HPSE2: variants seen among roughly 807,000 people sequenced by gnomAD.
HPSE2 encodes inactive heparanase-2.
Under a neutral mutation model 60.5 loss-of-function variants are expected in HPSE2, and 38 were observed. That is an observed-to-expected ratio of 0.63 (90% confidence interval 0.48 to 0.82). The LOEUF is 0.82. Ranked by LOEUF, HPSE2 falls within the 40% of genes least tolerant of loss-of-function variation. The pLI is 0.00. For missense variants in HPSE2, 713 were observed against 740.4 expected (o/e 0.96, Z 0.43); for synonymous variants, 295 against 293.2 (o/e 1.01, Z -0.06).
At chr10:98,568,122 C>G (rs1944398424) in intron 9 of HPSE2, among the ~76,000 whole-genome samples, 1 of 152,184 alleles carries the variant, frequency 6.6e-6, no homozygotes, top group Non-Finnish European at 1.5e-5. Context: ...TTCTACTGTG[C>G]CCTGATTCTT....
chr10:99,178,206 G>A (rs1325645099), intron 2 of HPSE2, among the ~76,000 whole-genome samples: 1 of 151,402 alleles, frequency 6.6e-6, no homozygotes, highest in Non-Finnish European at 1.5e-5. Flanking sequence ...ACAATTAAAA[G>A]AACTAGAGAA....
chr10:99,033,266 G>T (rs1298779837), intron 3 of HPSE2, among the ~76,000 whole-genome samples: 1 of 152,016 alleles, frequency 6.6e-6, no homozygotes, highest in East Asian at 1.9e-4. Context: ...CTTTTGGGGG[G>T]AGATTATTTG....
chr10:99,023,119 C>T (rs1418652600), intron 3 of HPSE2, among the ~76,000 whole-genome samples: 1 of 152,048 alleles, frequency 6.6e-6, no homozygotes, highest in East Asian at 1.9e-4. Flanking sequence ...GAAACTAATG[C>T]CCTGAAGGGT....
At chr10:99,169,477 C>G (rs1171856806) in intron 2 of HPSE2, among the ~76,000 whole-genome samples, 1 of 112,552 alleles carries the variant, frequency 8.9e-6, no homozygotes, top group East Asian at 2.8e-4. Flanking sequence ...TGCACTCCAG[C>G]CTGGGTGACA....
chr10:99,021,932 T>A (rs1957272428), intron 3 of HPSE2, among the ~76,000 whole-genome samples: 1 of 151,902 alleles, frequency 6.6e-6, no homozygotes, highest in South Asian at 2.1e-4. Context: ...AGGGTACATG[T>A]GCACAACATG....
chr10:99,193,576 T>C (rs1848293891), intron 2 of HPSE2, among the ~76,000 whole-genome samples: 1 of 146,362 alleles, frequency 6.8e-6, no homozygotes, highest in South Asian at 2.2e-4. Flanking sequence ...AAACTGAAAA[T>C]AAAGGGATAG....
chr10:98,860,142 A>T (rs1237619233), intron 3 of HPSE2, among the ~76,000 whole-genome samples: 2 of 152,170 alleles, frequency 1.3e-5, no homozygotes, highest in African/African-American at 4.8e-5. Context: ...GGGGACTACT[A>T]TATATCTATA....
At chr10:99,079,895 CA>C (rs1344700929) in intron 3 of HPSE2, among the ~76,000 whole-genome samples, 1 of 152,086 alleles carries the variant, frequency 6.6e-6, no homozygotes. Context: ...CAGAAGTCCC[CA>C]AAAAAGTTGG....
the HPSE2 span, among the ~76,000 whole-genome samples, chr10:99,256,824 C>T: frequency 7.2e-5 from 11 of 152,118 alleles, no homozygotes; most frequent in African/African-American, 2.7e-4. Flanking sequence ...GAGGCTGAGG[C>T]GAGCAGATCA....
chr10:98,795,051 G>GGAAGGAAGGAAGGAAT (rs1213738995), intron 3 of HPSE2, among the ~76,000 whole-genome samples: 141 of 145,722 alleles, frequency 9.7e-4, no homozygotes, highest in Middle Eastern at 3.4e-3. Flanking sequence ...AAGGAAGGAA[G>GGAAGGAAGGAAGGAAT]GAAGGAAGGA....
intron 3 of HPSE2, among the ~76,000 whole-genome samples, chr10:98,802,477 C>A (rs779084969): frequency 2.6e-5 from 3 of 114,082 alleles, no homozygotes; most frequent in African/African-American, 1.0e-4. Context: ...CCCCTCCCCC[C>A]ACCCCACAAC....
At chr10:99,055,259 G>C (rs1958084398) in intron 3 of HPSE2, among the ~76,000 whole-genome samples, 1 of 152,110 alleles carries the variant, frequency 6.6e-6, no homozygotes, top group South Asian at 2.1e-4. Flanking sequence ...TGTAGTTTTA[G>C]TAAGTTAAGA....
chr10:99,178,144 T>A (rs908224481), intron 2 of HPSE2, among the ~76,000 whole-genome samples: 1 of 151,820 alleles, frequency 6.6e-6, no homozygotes, highest in Non-Finnish European at 1.5e-5. Flanking sequence ...TTTATAGCAC[T>A]AAATGCCCAC....
rs79784592 is a variant in HPSE2, at chr10:98,556,624, G to A, written c.1320+58280C>T. On this transcript the variant is annotated intron_variant, in intron 9 of 11. Coordinates refer to ENST00000370552, the MANE Select transcript of HPSE2 (RefSeq NM_021828.5). ...TCTAATGAAAGTAGGTAAGACCTCT[G>A]CCTTGAAAACTATAAAACCTTATGG... Among the ~76,000 whole-genome samples, 585 of 152,220 alleles carry A rather than the reference G, an allele frequency of 3.8e-3. 3 individuals carry two copies. The highest frequency in any genetic ancestry group is 0.013 in the African/African-American group (553 of 41,544).
intron 9 of HPSE2, among the ~76,000 whole-genome samples, chr10:98,592,963 C>T (rs1945130645): frequency 6.6e-6 from 1 of 152,172 alleles, no homozygotes; most frequent in Admixed American, 6.5e-5. Context: ...TTCTTTTATG[C>T]AGCAGCTATA....
At chr10:99,128,005 C>T (rs1462177816) in intron 3 of HPSE2, among the ~76,000 whole-genome samples, 1 of 152,120 alleles carries the variant, frequency 6.6e-6, no homozygotes, top group African/African-American at 2.4e-5. Flanking sequence ...AATCTTGAAA[C>T]AAAACCTTAA....
At chr10:99,183,485 A>G (rs1847855882) in intron 2 of HPSE2, among the ~76,000 whole-genome samples, 1 of 152,188 alleles carries the variant, frequency 6.6e-6, no homozygotes, top group South Asian at 2.1e-4. Flanking sequence ...CTCTCAAAAA[A>G]GTATCAAAGA....
chr10:98,674,203 A>C (rs923369825), intron 6 of HPSE2, among the ~76,000 whole-genome samples: 1 of 152,226 alleles, frequency 6.6e-6, no homozygotes, highest in African/African-American at 2.4e-5. Flanking sequence ...CCTCACTCCC[A>C]TACAGTATAC....
the HPSE2 span, among the ~76,000 whole-genome samples, chr10:99,265,804 C>T: frequency 1.3e-5 from 2 of 152,166 alleles, no homozygotes; most frequent in African/African-American, 4.8e-5. Flanking sequence ...AGACAAAAAA[C>T]TGTGAGTGCC....
Sources: gnomAD v4.1 joint callset for allele counts (sites outside exome capture counted in the v4.1 genomes callset) on GRCh38, gnomAD v4.1.1 for gene constraint, MANE v1.5 for transcripts, NCBI Gene and HGNC (gene_info 2026-07-23, HGNC 2026-07-21) for gene names.